CIMAP1D: variants seen among roughly 807,000 people sequenced by gnomAD.
CIMAP1D encodes CIMAP1 family member D.
the CIMAP1D span, among the ~76,000 whole-genome samples, chr19:465,570 G>A: frequency 2.0e-5 from 3 of 147,814 alleles, no homozygotes; most frequent in African/African-American, 7.5e-5. Flanking sequence ...TGAGTGGATA[G>A]GTAGATGGGC....
At chr19:483,164 C>A in the CIMAP1D span, among the ~76,000 whole-genome samples, 3 of 152,066 alleles carry the variant, frequency 2.0e-5, no homozygotes, top group African/African-American at 2.4e-5. Flanking sequence ...GATCCAAACC[C>A]CTGGGGCCGC....
the CIMAP1D span, among the ~76,000 whole-genome samples, chr19:484,139 CTTTTT>C: frequency 3.2e-4 from 42 of 129,446 alleles, 1 homozygote; most frequent in African/African-American, 8.9e-4. Context: ...TTTTCTTTTT[CTTTTT>C]TTTTTTTTTT....
At chr19:469,117 C>T in the CIMAP1D span, among the ~76,000 whole-genome samples, 16 of 152,328 alleles carry the variant, frequency 1.1e-4, no homozygotes, top group Admixed American at 2.0e-4. Context: ...TTAGCCACAG[C>T]CTCATCCTTT....
chr19:480,218 T>C, the CIMAP1D span, among the ~76,000 whole-genome samples: 38 of 152,298 alleles, frequency 2.5e-4, no homozygotes, highest in Admixed American at 2.1e-3. Flanking sequence ...ACGAGGCCCG[T>C]GCAGCTGGAG....
chr19:485,616 C>T, the CIMAP1D span, among the ~76,000 whole-genome samples: 8 of 152,356 alleles, frequency 5.3e-5, no homozygotes, highest in East Asian at 1.9e-4. Flanking sequence ...ATCCTCCCAC[C>T]TCAGCCCCCT....
At chr19:464,265 G>A in the CIMAP1D span, 3 of 1,537,286 alleles carry the variant, frequency 2.0e-6, no homozygotes, top group Non-Finnish European at 2.6e-6. Context: ...GGGCTTCAGG[G>A]GGAGGCGGCA....
chr19:474,445 C>A, the CIMAP1D span, among the ~76,000 whole-genome samples: 2 of 151,744 alleles, frequency 1.3e-5, no homozygotes, highest in African/African-American at 4.8e-5. Flanking sequence ...TCGGGGCTCA[C>A]GGCAACCCCG....
the CIMAP1D span, chr19:463,892 G>A: frequency 1.9e-6 from 3 of 1,611,188 alleles, no homozygotes; most frequent in Non-Finnish European, 1.7e-6. Context: ...GGGAGGGCGT[G>A]GTGGCGGCCA....
the CIMAP1D span, among the ~76,000 whole-genome samples, chr19:488,438 C>T: frequency 2.0e-5 from 3 of 152,206 alleles, no homozygotes; most frequent in Non-Finnish European, 4.4e-5. Context: ...AGGAGAATGG[C>T]GTGAACCCGG....
the CIMAP1D span, among the ~76,000 whole-genome samples, chr19:476,095 T>C: frequency 5.6e-5 from 8 of 143,028 alleles, no homozygotes; most frequent in Admixed American, 4.6e-4. Context: ...GCCTCCAGGG[T>C]TCAAGAAATT....
the CIMAP1D span, among the ~76,000 whole-genome samples, chr19:466,284 T>G: frequency 7.8e-6 from 1 of 127,526 alleles, no homozygotes; most frequent in Admixed American, 8.3e-5. Context: ...GATGGGTGGG[T>G]GGGTGGATGG....
chr19:467,190 G>A, the CIMAP1D span, among the ~76,000 whole-genome samples: 2 of 150,078 alleles, frequency 1.3e-5, no homozygotes, highest in African/African-American at 2.5e-5. Context: ...ATGGATGGAC[G>A]GGTGGAAAGA....
the CIMAP1D span, among the ~76,000 whole-genome samples, chr19:491,283 A>G: frequency 6.6e-6 from 1 of 152,176 alleles, no homozygotes; most frequent in African/African-American, 2.4e-5. Flanking sequence ...TCAAAAAAAA[A>G]GAAGGCTTTT....
chr19:483,563 G>A, the CIMAP1D span, among the ~76,000 whole-genome samples: 36 of 152,232 alleles, frequency 2.4e-4, no homozygotes, highest in Non-Finnish European at 4.7e-4. Context: ...CCCAGGGGAC[G>A]CTGGGCAGTG....
At chr19:466,449 ATGGG>A in the CIMAP1D span, among the ~76,000 whole-genome samples, 1 of 105,618 alleles carries the variant, frequency 9.5e-6, no homozygotes, top group East Asian at 3.3e-4. Context: ...AGATGGCTGG[ATGGG>A]TGGGTGGGTG....
At chr19:490,307 G>A in the CIMAP1D span, 3 of 260,704 alleles carry the variant, frequency 1.2e-5, no homozygotes, top group Admixed American at 1.1e-4. Flanking sequence ...AGTGAGCCGA[G>A]ATAGCACCAC....
chr19:464,023 G>A, the CIMAP1D span: 1 of 1,604,072 alleles, frequency 6.2e-7, no homozygotes, highest in Non-Finnish European at 8.5e-7. Flanking sequence ...AGGGGTCGCG[G>A]GGCCCGGGGC....
chr19:467,081 A>G, the CIMAP1D span, among the ~76,000 whole-genome samples: 1 of 70,918 alleles, frequency 1.4e-5, no homozygotes, highest in Non-Finnish European at 2.6e-5. Flanking sequence ...GGGTGGATGG[A>G]TGAGTGGATG....
At chr19:485,076 G>A in the CIMAP1D span, among the ~76,000 whole-genome samples, 1 of 152,050 alleles carries the variant, frequency 6.6e-6, no homozygotes, top group East Asian at 1.9e-4. Flanking sequence ...GACGCTGTGG[G>A]GTGAAGGGGA....
Sources: gnomAD v4.1 joint callset for allele counts (sites outside exome capture counted in the v4.1 genomes callset) on GRCh38, gnomAD v4.1.1 for gene constraint, MANE v1.5 for transcripts, NCBI Gene and HGNC (gene_info 2026-07-23, HGNC 2026-07-21) for gene names.